Variants in PGBD5 observed in about 807,000 individuals in gnomAD.
PGBD5 encodes piggyBac transposable element-derived protein 5.
A neutral mutation model predicts 47.9 loss-of-function variants in PGBD5; 14 were observed. That is an observed-to-expected ratio of 0.29 (90% CI 0.19 to 0.46). PGBD5 has a LOEUF of 0.46. PGBD5 is among the 20% of genes least tolerant of loss of function. PGBD5 has a pLI of 1.00. For synonymous variants in PGBD5, 316 were observed against 306.3 expected (o/e 1.03, Z -0.33); for missense variants, 635 against 716.0 (o/e 0.89, Z 1.29).
At chr1:230,380,271 C>T (rs1275311592) in intron 1 of PGBD5, among the ~76,000 whole-genome samples, 1 of 152,260 alleles carries the variant, frequency 6.6e-6, no homozygotes, top group East Asian at 1.9e-4. Context: ...ACAGGCAGTA[C>T]TTTCATGCCA....
At chr1:230,418,543 T>C (rs1657575924) in intron 1 of PGBD5, among the ~76,000 whole-genome samples, 1 of 152,186 alleles carries the variant, frequency 6.6e-6, no homozygotes, top group African/African-American at 2.4e-5. Flanking sequence ...TCTGTCAGCT[T>C]GTACCACAGT....
chr1:230,332,730 G>A (rs1189393042), intron 5 of PGBD5, 114 bp downstream of exon 5: 29 of 1,245,772 alleles, frequency 2.3e-5, no homozygotes, highest in Non-Finnish European at 3.0e-5. Flanking sequence ...AGGGTAGTCT[G>A]ACCCCAGAGC....
chr1:230,363,057 G>C (rs1173606345), intron 1 of PGBD5, among the ~76,000 whole-genome samples: 2 of 152,142 alleles, frequency 1.3e-5, no homozygotes, highest in Non-Finnish European at 2.9e-5. Context: ...GAGAATTCAG[G>C]ACACACAACC....
intron 1 of PGBD5, among the ~76,000 whole-genome samples, chr1:230,370,531 C>A (rs1342425293): frequency 6.6e-6 from 1 of 152,182 alleles, no homozygotes; most frequent in Non-Finnish European, 1.5e-5. Context: ...TCACTTGATT[C>A]ACTTATTCTT....
intron 1 of PGBD5, among the ~76,000 whole-genome samples, chr1:230,373,208 T>A (rs1667955336): frequency 6.6e-6 from 1 of 152,186 alleles, no homozygotes; most frequent in East Asian, 1.9e-4. Context: ...AACCACTCTG[T>A]GCAGGTGCAA....
At chr1:230,352,507 T>C (rs1285842519) in intron 2 of PGBD5, among the ~76,000 whole-genome samples, 1 of 152,150 alleles carries the variant, frequency 6.6e-6, no homozygotes, top group African/African-American at 2.4e-5. Flanking sequence ...TGAGGTTGAA[T>C]GCAAATTGAA....
At chr1:230,409,736 A>C (rs925734287) in intron 1 of PGBD5, among the ~76,000 whole-genome samples, 5 of 152,210 alleles carry the variant, frequency 3.3e-5, no homozygotes, top group African/African-American at 9.6e-5. Context: ...CCAACTGTGA[A>C]TATACTAAAA....
At chr1:230,401,455 A>G (rs957473021) in intron 1 of PGBD5, among the ~76,000 whole-genome samples, 3 of 152,092 alleles carry the variant, frequency 2.0e-5, no homozygotes, top group Non-Finnish European at 4.4e-5. Flanking sequence ...GCTTGGGGCC[A>G]GGGAGAAGCG....
intron 1 of PGBD5, among the ~76,000 whole-genome samples, chr1:230,422,299 T>C (rs12739491): frequency 0.044 from 6,683 of 151,964 alleles, 186 homozygotes; most frequent in Middle Eastern, 0.065. Flanking sequence ...ATCACAAGAC[T>C]GCTCAGAATA....
chr1:230,361,336 C>T (rs1427168225), intron 1 of PGBD5, among the ~76,000 whole-genome samples: 2 of 151,996 alleles, frequency 1.3e-5, no homozygotes, highest in African/African-American at 4.8e-5. Flanking sequence ...GTGGAGGAGA[C>T]CTAGAGGAGG....
At chr1:230,325,483 C>A in intron 5 of PGBD5, 68 bp from the exon 6 acceptor site, 1 of 1,127,852 alleles carries the variant, frequency 8.9e-7, no homozygotes, top group South Asian at 1.4e-5. Flanking sequence ...ATAAATGTGC[C>A]TATCTTCGTC....
intron 3 of PGBD5, among the ~76,000 whole-genome samples, chr1:230,348,043 TG>T (rs1667502522): frequency 6.6e-6 from 1 of 152,044 alleles, no homozygotes; most frequent in Non-Finnish European, 1.5e-5. Flanking sequence ...CAGGAGGGCG[TG>T]GGGCAGATGC....
At chr1:230,413,329 T>G (rs1031766803) in intron 1 of PGBD5, among the ~76,000 whole-genome samples, 2 of 151,966 alleles carry the variant, frequency 1.3e-5, no homozygotes, top group Non-Finnish European at 2.9e-5. Flanking sequence ...CTGGAGCTGT[T>G]AGGGAGCAGA....
At chr1:230,336,769 A>G (rs1558193138) in intron 4 of PGBD5, among the ~76,000 whole-genome samples, 1 of 152,086 alleles carries the variant, frequency 6.6e-6, no homozygotes. Context: ...GACTTCCTAG[A>G]GCCTTACTAG....
chr1:230,356,723 T>A (rs771706467), intron 2 of PGBD5, among the ~76,000 whole-genome samples, 171 bp downstream of exon 2: 5 of 152,224 alleles, frequency 3.3e-5, no homozygotes, highest in Non-Finnish European at 7.3e-5. Context: ...CCCTCCGATC[T>A]CATTTGGATT....
chr1:230,384,752 G>C (rs1012491959), intron 1 of PGBD5, among the ~76,000 whole-genome samples: 4 of 152,112 alleles, frequency 2.6e-5, no homozygotes, highest in Non-Finnish European at 5.9e-5. Context: ...TATAAAATGG[G>C]CATTGTGTGT....
intron 1 of PGBD5, among the ~76,000 whole-genome samples, chr1:230,363,108 C>A (rs916676541): frequency 6.6e-6 from 1 of 152,190 alleles, no homozygotes; most frequent in African/African-American, 2.4e-5. Context: ...GTGGGAACCA[C>A]CACCCCACAG....
intron 1 of PGBD5, among the ~76,000 whole-genome samples, chr1:230,392,709 C>T (rs116767413): frequency 2.6e-5 from 4 of 152,294 alleles, no homozygotes; most frequent in African/African-American, 9.6e-5. Flanking sequence ...CCTGCTCTCA[C>T]CCAAGGAAAT....
At chr1:230,345,093 T>A (rs1297027095) in intron 3 of PGBD5, among the ~76,000 whole-genome samples, 1 of 152,232 alleles carries the variant, frequency 6.6e-6, no homozygotes, top group Non-Finnish European at 1.5e-5. Context: ...TCTTTTAGAC[T>A]ATACCATTCA....
Sources: allele counts gnomAD v4.1 joint callset (sites outside exome capture counted in the v4.1 genomes callset), GRCh38; gene constraint gnomAD v4.1.1; transcripts MANE v1.5; gene names NCBI Gene and HGNC (gene_info 2026-07-23, HGNC 2026-07-21).